Variants in CPQ observed in about 807,000 individuals in gnomAD.
CPQ encodes carboxypeptidase Q, also known as Ser-Met dipeptidase.
In CPQ, 37 loss-of-function variants were observed where a neutral mutation model predicts 45.7. That is an observed-to-expected ratio of 0.81 (90% CI 0.62 to 1.07). The LOEUF (loss-of-function observed/expected upper bound fraction) is 1.07, where lower values mean the gene tolerates loss of function less well. Among genes scored for constraint, CPQ ranks in the 50% least tolerant of loss-of-function variants. CPQ has a pLI of 0.00. For synonymous variants in CPQ, 186 were observed against 205.8 expected, an observed-to-expected ratio of 0.90 and a Z score of 0.82; for missense variants, 537 against 572.9, an observed-to-expected ratio of 0.94 and a Z score of 0.64.
rs564819293 is a variant in CPQ, at chr8:96,974,413, C to T, written c.961+8367C>T. On this transcript the variant is annotated intron_variant, in intron 5 of 7. Transcript: ENST00000220763. The stretch of plus-strand genomic sequence containing the variant: ...CTAAGTAGTGAGATAGACAGCAACA[C>T]AATAATATGGGGGACTTTAATACAC... Among the ~76,000 whole-genome samples, 9 of 152,180 alleles carry T rather than the reference C, an allele frequency of 5.9e-5. No individual in the cohort carries two copies. The South Asian group carries it at 8.3e-4, about 14-fold the overall frequency.
At position 96,673,985 on chromosome 8, in the gene CPQ, G is replaced by GA. The variant is rs898691866; in HGVS notation, c.-35+28584dup. ...TACTTGTAAGAAAGTGGAAGTGGAG[G>GA]AGGGGGGATACTGTCTTGTAATAAA... On this transcript the variant is annotated intron_variant, in intron 1 of 7. Transcript: ENST00000220763. 0.011 allele frequency among the ~76,000 whole-genome samples: 8 copies of GA among 734 alleles called. No homozygotes were observed. In the Non-Finnish European group the frequency reaches 0.14, roughly 13 times the overall value. The allele number at this position is 734 out of a possible 152,430, so 0.5% of individuals were successfully genotyped here.
At chr8:96,836,299 G>A (rs1249531356) in intron 3 of CPQ, among the ~76,000 whole-genome samples, 2 of 152,126 alleles carry the variant, frequency 1.3e-5, no homozygotes, top group Non-Finnish European at 1.5e-5. Context: ...CAGCAGCTAG[G>A]AAATCCAGTC....
At chr8:97,068,354 G>A (rs149611472) in intron 7 of CPQ, among the ~76,000 whole-genome samples, 37 of 152,238 alleles carry the variant, frequency 2.4e-4, no homozygotes, top group South Asian at 8.3e-4. Context: ...ATAAGAGGCC[G>A]GGTGCAGTGG....
intron 2 of CPQ, among the ~76,000 whole-genome samples, chr8:96,799,701 C>G (rs1166613538): frequency 6.6e-6 from 1 of 152,180 alleles, no homozygotes; most frequent in African/African-American, 2.4e-5. Context: ...CTAGTCTAGT[C>G]ATTGTGCAGA....
intron 7 of CPQ, among the ~76,000 whole-genome samples, chr8:97,086,382 T>C (rs1410986975): frequency 3.9e-5 from 6 of 152,182 alleles, no homozygotes; most frequent in Non-Finnish European, 7.4e-5. Flanking sequence ...TCCATGTGAA[T>C]GGGTATTGCT....
intron 4 of CPQ, among the ~76,000 whole-genome samples, chr8:96,927,810 C>CT (rs1324647540): frequency 1.3e-5 from 2 of 152,142 alleles, no homozygotes; most frequent in South Asian, 2.1e-4. Flanking sequence ...TTTCCACCAC[C>CT]TTTTTTTGCC....
intron 4 of CPQ, among the ~76,000 whole-genome samples, chr8:96,920,012 CATT>C (rs1812785235): frequency 6.6e-6 from 1 of 152,122 alleles, no homozygotes; most frequent in African/African-American, 2.4e-5. Context: ...GCAATACAAA[CATT>C]ATTGGTCTGT....
intron 1 of CPQ, among the ~76,000 whole-genome samples, chr8:96,675,161 T>C (rs568473212): frequency 6.6e-6 from 1 of 152,240 alleles, no homozygotes; most frequent in East Asian, 1.9e-4. Flanking sequence ...AAAAAGAGTA[T>C]GTAGTGAAAT....
chr8:96,702,433 C>T (rs1809475809), intron 1 of CPQ, among the ~76,000 whole-genome samples: 1 of 152,196 alleles, frequency 6.6e-6, no homozygotes, highest in African/African-American at 2.4e-5. Context: ...ACGAAAGCTA[C>T]AGCTGCTGAA....
At chr8:96,704,384 C>T (rs981008467) in intron 1 of CPQ, among the ~76,000 whole-genome samples, 2 of 152,044 alleles carry the variant, frequency 1.3e-5, no homozygotes, top group African/African-American at 4.8e-5. Flanking sequence ...AATAAATGTT[C>T]GTTCTTATTT....
chr8:96,656,369 A>G (rs1177728774), intron 1 of CPQ, among the ~76,000 whole-genome samples: 12 of 152,092 alleles, frequency 7.9e-5, no homozygotes. Flanking sequence ...GAGCTCTGCT[A>G]TAATTTCTGA....
At chr8:96,765,045 T>C (rs1810449667) in intron 1 of CPQ, among the ~76,000 whole-genome samples, 1 of 152,206 alleles carries the variant, frequency 6.6e-6, no homozygotes, top group African/African-American at 2.4e-5. Context: ...CAAGAAAGAA[T>C]AGTAACTAGA....
intron 4 of CPQ, among the ~76,000 whole-genome samples, chr8:96,935,749 G>T (rs1329150877): frequency 1.3e-5 from 2 of 152,090 alleles, no homozygotes; most frequent in East Asian, 3.9e-4. Flanking sequence ...GGTTTTTTAG[G>T]CTCCCTCAAA....
intron 1 of CPQ, among the ~76,000 whole-genome samples, chr8:96,741,229 A>G (rs151049592): frequency 6.6e-6 from 1 of 152,032 alleles, no homozygotes. Flanking sequence ...AGGAATTTAT[A>G]CATTTCTTCT....
intron 1 of CPQ, among the ~76,000 whole-genome samples, chr8:96,777,438 G>A (rs1165494756): frequency 1.3e-5 from 2 of 151,762 alleles, no homozygotes; most frequent in Non-Finnish European, 2.9e-5. Context: ...AGGGAAGGAG[G>A]GAGAATTCCT....
At chr8:96,691,435 G>A (rs904633571) in intron 1 of CPQ, among the ~76,000 whole-genome samples, 4 of 152,118 alleles carry the variant, frequency 2.6e-5, no homozygotes, top group Non-Finnish European at 4.4e-5. Context: ...AAAAGTACTA[G>A]GGGTTAGGAC....
intron 5 of CPQ, among the ~76,000 whole-genome samples, chr8:97,014,174 G>A (rs1411304653): frequency 6.6e-6 from 1 of 152,136 alleles, no homozygotes; most frequent in African/African-American, 2.4e-5. Flanking sequence ...ACAATTCAAA[G>A]GGCTTAAATT....
chr8:96,833,846 T>A (rs1483989451), intron 2 of CPQ, among the ~76,000 whole-genome samples: 1 of 152,216 alleles, frequency 6.6e-6, no homozygotes, highest in Non-Finnish European at 1.5e-5. Flanking sequence ...GAGGCCTATA[T>A]TGAAAGCAAA....
chr8:97,080,979 G>A (rs955604814), intron 7 of CPQ, among the ~76,000 whole-genome samples: 2 of 89,948 alleles, frequency 2.2e-5, no homozygotes, highest in African/African-American at 7.0e-5. Flanking sequence ...GTAATAGCTT[G>A]AATAGTTTAC....
Sources: allele counts gnomAD v4.1 joint callset (sites outside exome capture counted in the v4.1 genomes callset), GRCh38; gene constraint gnomAD v4.1.1; transcripts MANE v1.5; gene names NCBI Gene and HGNC (gene_info 2026-07-23, HGNC 2026-07-21).